The following POFUT3 variants were observed in gnomAD, a reference collection of about 807,000 sequenced individuals.
The protein encoded by POFUT3 is GDP-fucose protein O-fucosyltransferase 3.
At chr8:33,422,960 C>T in the POFUT3 span, among the ~76,000 whole-genome samples, 1 of 152,120 alleles carries the variant, frequency 6.6e-6, no homozygotes. Flanking sequence ...GAACTACAGG[C>T]ATGCACCACC....
At chr8:33,408,311 TA>T in the POFUT3 span, among the ~76,000 whole-genome samples, 1,493 of 138,492 alleles carry the variant, frequency 0.011, 7 homozygotes, top group African/African-American at 0.015. Flanking sequence ...CTCTGTCTCT[TA>T]AAAAAAAAAA....
the POFUT3 span, among the ~76,000 whole-genome samples, chr8:33,436,872 G>A: frequency 0.022 from 3,395 of 152,244 alleles, 66 homozygotes; most frequent in East Asian, 0.083. Context: ...TCCAGGTACT[G>A]AGCACAGTAC....
the POFUT3 span, among the ~76,000 whole-genome samples, chr8:33,358,174 G>A: frequency 6.6e-6 from 1 of 152,174 alleles, no homozygotes; most frequent in Non-Finnish European, 1.5e-5. Context: ...AATCACCTGA[G>A]CCCAGGAGGT....
chr8:33,428,612 C>T, the POFUT3 span, among the ~76,000 whole-genome samples: 5 of 152,062 alleles, frequency 3.3e-5, no homozygotes, highest in East Asian at 1.9e-4. Flanking sequence ...ATGGTTTGAA[C>T]GTGTCTCCCA....
chr8:33,381,977 T>A, the POFUT3 span, among the ~76,000 whole-genome samples: 12 of 152,140 alleles, frequency 7.9e-5, no homozygotes, highest in East Asian at 2.1e-3. Flanking sequence ...TTCAATACAA[T>A]TTTTTTCAAC....
At chr8:33,330,472 T>C in the POFUT3 span, among the ~76,000 whole-genome samples, 1 of 151,878 alleles carries the variant, frequency 6.6e-6, no homozygotes, top group Non-Finnish European at 1.5e-5. Flanking sequence ...AAAAAAAATT[T>C]CCACCCCTCA....
chr8:33,433,796 A>C, the POFUT3 span, among the ~76,000 whole-genome samples: 2 of 151,234 alleles, frequency 1.3e-5, no homozygotes, highest in Non-Finnish European at 1.5e-5. Flanking sequence ...GAAAAAAAAA[A>C]ACAAAAAACT....
chr8:33,449,759 A>G, the POFUT3 span, among the ~76,000 whole-genome samples: 24 of 150,762 alleles, frequency 1.6e-4, no homozygotes, highest in South Asian at 3.6e-3. Context: ...ATAGCCAACC[A>G]CTCTGCTTGA....
the POFUT3 span, among the ~76,000 whole-genome samples, chr8:33,469,808 T>TC: frequency 1.4e-4 from 19 of 135,666 alleles, no homozygotes; most frequent in East Asian, 2.1e-3. Context: ...TTTTTCTTTT[T>TC]TTTTTTTTTT....
the POFUT3 span, among the ~76,000 whole-genome samples, chr8:33,380,163 CTATATATATATACTA>C: frequency 1.4e-4 from 6 of 44,168 alleles, no homozygotes; most frequent in Admixed American, 9.2e-4. Flanking sequence ...TATATATATA[CTATATATATATACTA>C]TATATATATA....
At chr8:33,328,741 G>T in the POFUT3 span, among the ~76,000 whole-genome samples, 4 of 152,126 alleles carry the variant, frequency 2.6e-5, no homozygotes, top group Non-Finnish European at 4.4e-5. Context: ...TGAACCAATT[G>T]TCATGGTCAG....
chr8:33,310,264 AAAG>A, the POFUT3 span, among the ~76,000 whole-genome samples: 7,381 of 133,534 alleles, frequency 0.055, 267 homozygotes, highest in East Asian at 0.2. Flanking sequence ...CTACCAAAAA[AAAG>A]AAGTTTTTTA....
the POFUT3 span, among the ~76,000 whole-genome samples, chr8:33,456,273 G>A: frequency 6.6e-6 from 1 of 152,306 alleles, no homozygotes; most frequent in South Asian, 2.1e-4. Flanking sequence ...TCTACTATGT[G>A]AGTTATAAAT....
At chr8:33,318,180 C>A in the POFUT3 span, among the ~76,000 whole-genome samples, 29 of 151,918 alleles carry the variant, frequency 1.9e-4, no homozygotes, top group Admixed American at 1.6e-3. Flanking sequence ...CATAGTGCAG[C>A]AAAGTGCTTA....
the POFUT3 span, among the ~76,000 whole-genome samples, chr8:33,424,519 C>T: frequency 1.1e-3 from 174 of 152,268 alleles, no homozygotes; most frequent in African/African-American, 3.9e-3. Flanking sequence ...TCGTTAGGGC[C>T]TTCAGGTATA....
chr8:33,456,765 T>C, the POFUT3 span, among the ~76,000 whole-genome samples: 1 of 121,664 alleles, frequency 8.2e-6, no homozygotes, highest in South Asian at 2.6e-4. Context: ...TTTTATTTTC[T>C]TTTTTCTTTT....
At chr8:33,444,449 C>T in the POFUT3 span, among the ~76,000 whole-genome samples, 1 of 152,026 alleles carries the variant, frequency 6.6e-6, no homozygotes, top group Non-Finnish European at 1.5e-5. Flanking sequence ...GGACTAGGGA[C>T]TTGAATGAGG....
At chr8:33,389,460 C>T in the POFUT3 span, 9 of 1,614,070 alleles carry the variant, frequency 5.6e-6, no homozygotes, top group African/African-American at 1.3e-5. Flanking sequence ...GAATCGACCT[C>T]GATGTAAGTC....
chr8:33,357,832 C>T, the POFUT3 span, among the ~76,000 whole-genome samples: 1 of 152,176 alleles, frequency 6.6e-6, no homozygotes, highest in Non-Finnish European at 1.5e-5. Flanking sequence ...CAACAGGCAG[C>T]CTCCATAAGT....
Sources: gnomAD v4.1 joint callset for allele counts (sites outside exome capture counted in the v4.1 genomes callset) on GRCh38, gnomAD v4.1.1 for gene constraint, MANE v1.5 for transcripts, NCBI Gene and HGNC (gene_info 2026-07-23, HGNC 2026-07-21) for gene names.